The following LRRC4C variants were observed in gnomAD, a reference collection of about 807,000 sequenced individuals.
LRRC4C encodes the protein leucine-rich repeat-containing protein 4C.
A neutral mutation model predicts 33.6 loss-of-function variants in LRRC4C; 5 were observed. The ratio of observed to expected loss-of-function variants is 0.15; its 90% CI spans 0.08 to 0.31. The LOEUF (loss-of-function observed/expected upper bound fraction) is 0.31, where lower values mean the gene tolerates loss of function less well. Ranked by LOEUF, LRRC4C falls within the 10% of genes least tolerant of loss-of-function variation. The pLI is 1.00. For synonymous variants in LRRC4C, 329 were observed against 302.0 expected, an observed-to-expected ratio of 1.09 and a Z score of -0.93; for missense variants, 560 against 796.7, an observed-to-expected ratio of 0.70 and a Z score of 3.58.
At chr11:41,298,546 T>C (rs991017562) in intron 1 of LRRC4C, among the ~76,000 whole-genome samples, 1 of 152,100 alleles carries the variant, frequency 6.6e-6, no homozygotes. Context: ...TCCAAGTGAT[T>C]CAGTCTCTAA....
chr11:40,148,760 C>A (rs1857951945), intron 5 of LRRC4C, among the ~76,000 whole-genome samples: 2 of 152,106 alleles, frequency 1.3e-5, no homozygotes. Context: ...TTGCCTGTTC[C>A]TATGGCCAGA....
At chr11:40,531,792 T>C (rs1020460376) in intron 3 of LRRC4C, among the ~76,000 whole-genome samples, 5 of 151,786 alleles carry the variant, frequency 3.3e-5, no homozygotes, top group African/African-American at 1.2e-4. Context: ...ATATAAAATT[T>C]ATGTTTGTTT....
At chr11:41,136,714 C>CTTTCGGA (rs1943278379) in intron 1 of LRRC4C, among the ~76,000 whole-genome samples, 1 of 152,048 alleles carries the variant, frequency 6.6e-6, no homozygotes, top group Non-Finnish European at 1.5e-5. Flanking sequence ...CTCGAGTTGC[C>CTTTCGGA]TTTCTGATTT....
intron 1 of LRRC4C, among the ~76,000 whole-genome samples, chr11:41,169,284 T>C (rs1944865941): frequency 6.6e-6 from 1 of 152,158 alleles, no homozygotes; most frequent in Admixed American, 6.6e-5. Flanking sequence ...CAAATTAAAG[T>C]ATAGCCTAGA....
chr11:41,030,651 A>G (rs1372795507), intron 1 of LRRC4C, among the ~76,000 whole-genome samples: 1 of 151,876 alleles, frequency 6.6e-6, no homozygotes, highest in Non-Finnish European at 1.5e-5. Flanking sequence ...GAAACCTTTC[A>G]AATAGTAGAC....
chr11:41,142,471 G>C (rs1425075526), intron 1 of LRRC4C, among the ~76,000 whole-genome samples: 2 of 152,122 alleles, frequency 1.3e-5, no homozygotes, highest in Admixed American at 1.3e-4. Flanking sequence ...CTGCTGGCTC[G>C]GGGACTGCAC....
chr11:40,379,189 G>A (rs1297788786), intron 3 of LRRC4C, among the ~76,000 whole-genome samples: 1 of 152,058 alleles, frequency 6.6e-6, no homozygotes, highest in Non-Finnish European at 1.5e-5. Context: ...CTAACACAAA[G>A]TTTGAGAAGG....
At chr11:40,872,639 A>T (rs773468864) in intron 2 of LRRC4C, among the ~76,000 whole-genome samples, 15 of 152,050 alleles carry the variant, frequency 9.9e-5, no homozygotes, top group Non-Finnish European at 1.8e-4. Flanking sequence ...ATTAATAAAG[A>T]TATTAATATG....
intron 1 of LRRC4C, among the ~76,000 whole-genome samples, chr11:41,037,572 T>C (rs1177409842): frequency 1.3e-5 from 1 of 78,616 alleles, no homozygotes; most frequent in Non-Finnish European, 3.1e-5. Flanking sequence ...CTTCTTTTCC[T>C]TTCACACACA....
At chr11:40,432,834 A>G (rs752035543) in intron 3 of LRRC4C, among the ~76,000 whole-genome samples, 4 of 152,230 alleles carry the variant, frequency 2.6e-5, no homozygotes, top group Non-Finnish European at 5.9e-5. Context: ...ACCCATAAAT[A>G]AAAGTGCTAT....
intron 1 of LRRC4C, among the ~76,000 whole-genome samples, chr11:41,326,090 A>C (rs1464184468): frequency 6.6e-6 from 1 of 150,410 alleles, no homozygotes; most frequent in Non-Finnish European, 1.5e-5. Context: ...CATTTGAGTC[A>C]GTGGAATGGG....
chr11:41,271,527 T>C (rs1052791925), intron 1 of LRRC4C, among the ~76,000 whole-genome samples: 5 of 148,050 alleles, frequency 3.4e-5, no homozygotes, highest in Non-Finnish European at 7.4e-5. Context: ...TTTGTTCAGA[T>C]GTCACTTCCA....
chr11:40,745,431 GT>G (rs1948369202), intron 2 of LRRC4C, among the ~76,000 whole-genome samples: 1 of 152,072 alleles, frequency 6.6e-6, no homozygotes. Flanking sequence ...CTATGAGAAC[GT>G]TTGATAGACA....
intron 1 of LRRC4C, among the ~76,000 whole-genome samples, chr11:41,404,667 A>T (rs191362468): frequency 9.2e-5 from 14 of 152,188 alleles, no homozygotes; most frequent in African/African-American, 3.4e-4. Flanking sequence ...TTTGAACAGT[A>T]ATGATGACAG....
At chr11:41,398,496 G>A (rs1201772715) in intron 1 of LRRC4C, among the ~76,000 whole-genome samples, 1 of 151,852 alleles carries the variant, frequency 6.6e-6, no homozygotes, top group African/African-American at 2.4e-5. Context: ...TTTTATTGCT[G>A]TCCTAGTAGA....
intron 3 of LRRC4C, among the ~76,000 whole-genome samples, chr11:40,630,330 C>CTCTTCTTCTTCT (rs200043868): frequency 0.011 from 1,520 of 135,518 alleles, 27 homozygotes; most frequent in African/African-American, 0.036. Context: ...TTTCTTCTTC[C>CTCTTCTTCTTCT]TCTTCTTCTT....
Position 40,211,590 on chromosome 11 carries a change from C to T in LRRC4C, c.-96+29929G>A, listed in dbSNP as rs142687987. Among the ~76,000 whole-genome samples the T allele has an allele frequency of 8.2e-3, 1,251 of 152,134 alleles. 19 individuals carry two copies. The highest frequency in any genetic ancestry group is 0.028 in the African/African-American group (1,158 of 41,498). ...TCATTGTGTCCAAAGGTCATATTTC[C>T]CTTTGCTTTAGTAAAATGGTAGGTT... On this transcript the variant is annotated intron_variant, in intron 5 of 6. Coordinates refer to ENST00000528697, the MANE Select transcript of LRRC4C (RefSeq NM_001258419.2).
At chr11:40,127,524 TA>T (rs774329622) in intron 6 of LRRC4C, among the ~76,000 whole-genome samples, 1 of 151,398 alleles carries the variant, frequency 6.6e-6, no homozygotes, top group Non-Finnish European at 1.5e-5. Flanking sequence ...TGTATTTTAA[TA>T]AAAAAAAACT....
chr11:41,399,015 T>C (rs992638199), intron 1 of LRRC4C, among the ~76,000 whole-genome samples: 2 of 151,882 alleles, frequency 1.3e-5, no homozygotes, highest in African/African-American at 4.8e-5. Context: ...GCTACTTTCC[T>C]AGAAAATAAG....
Sources: allele counts gnomAD v4.1 joint callset (sites outside exome capture counted in the v4.1 genomes callset), GRCh38; gene constraint gnomAD v4.1.1; transcripts MANE v1.5; gene names NCBI Gene and HGNC (gene_info 2026-07-23, HGNC 2026-07-21).